The following KSR2 variants were observed in gnomAD, a reference collection of about 807,000 sequenced individuals.
The protein encoded by KSR2 is kinase suppressor of ras 2.
In KSR2, 25 loss-of-function variants were observed where a neutral mutation model predicts 107.8. That is an observed-to-expected ratio of 0.23 (90% CI 0.17 to 0.32). The LOEUF (loss-of-function observed/expected upper bound fraction) is 0.32. Ranked by LOEUF, KSR2 falls within the 10% of genes least tolerant of loss-of-function variation. KSR2 has a pLI of 1.00. For missense variants in KSR2, 887 were observed against 1,268.9 expected (o/e 0.70, Z 4.57); for synonymous variants, 480 against 507.0 (o/e 0.95, Z 0.71).
At chr12:117,531,949 C>T (rs1165579039) in intron 10 of KSR2, among the ~76,000 whole-genome samples, 1 of 152,162 alleles carries the variant, frequency 6.6e-6, no homozygotes, top group Non-Finnish European at 1.5e-5. Flanking sequence ...ACTGCTCCAA[C>T]TCAAACAGAC....
At chr12:117,902,495 T>TAAAA (rs35386887) in intron 1 of KSR2, among the ~76,000 whole-genome samples, 1 of 102,514 alleles carries the variant, frequency 9.8e-6, no homozygotes, top group African/African-American at 3.7e-5. Context: ...GACTCTGTCT[T>TAAAA]AAAAAAAAAA....
chr12:117,666,656 CT>C (rs1884671919), intron 5 of KSR2, among the ~76,000 whole-genome samples: 1 of 152,230 alleles, frequency 6.6e-6, no homozygotes, highest in African/African-American at 2.4e-5. Context: ...CTCATCATTT[CT>C]CAGAGCAGCA....
chr12:117,731,464 C>A (rs571119301), intron 4 of KSR2, among the ~76,000 whole-genome samples: 1 of 148,000 alleles, frequency 6.8e-6, no homozygotes, highest in Non-Finnish European at 1.5e-5. Context: ...AGGTGGGGGG[C>A]GCCTCTGCCC....
intron 3 of KSR2, among the ~76,000 whole-genome samples, chr12:117,789,905 C>T (rs1223969525): frequency 6.6e-6 from 1 of 152,192 alleles, no homozygotes; most frequent in African/African-American, 2.4e-5. Flanking sequence ...CACACACACA[C>T]ACAGCATGTC....
chr12:117,872,767 T>C (rs1009663195), intron 1 of KSR2, among the ~76,000 whole-genome samples: 2 of 152,150 alleles, frequency 1.3e-5, no homozygotes, highest in East Asian at 1.9e-4. Flanking sequence ...ATCTGGGTCC[T>C]TGGACAATAA....
At chr12:117,708,479 C>A (rs551738248) in intron 4 of KSR2, among the ~76,000 whole-genome samples, 132 of 152,282 alleles carry the variant, frequency 8.7e-4, no homozygotes, top group African/African-American at 3.1e-3. Flanking sequence ...AATCACCATG[C>A]CTCATCACTT....
chr12:117,824,312 T>A (rs1891663868), intron 3 of KSR2, among the ~76,000 whole-genome samples: 1 of 152,090 alleles, frequency 6.6e-6, no homozygotes, highest in Non-Finnish European at 1.5e-5. Flanking sequence ...AATATTCGAT[T>A]TGATAGAAAA....
At chr12:117,471,023 G>A (rs1421182212) in intron 18 of KSR2, among the ~76,000 whole-genome samples, 168 bp downstream of exon 18, 1 of 152,176 alleles carries the variant, frequency 6.6e-6, no homozygotes, top group Non-Finnish European at 1.5e-5. Context: ...CAGTGCAGCA[G>A]CCTTGCCTTT....
intron 1 of KSR2, among the ~76,000 whole-genome samples, chr12:117,869,718 A>G (rs1020689462): frequency 6.6e-6 from 1 of 152,114 alleles, no homozygotes; most frequent in Non-Finnish European, 1.5e-5. Context: ...AATCTTCTGC[A>G]TGAAGGATTC....
At chr12:117,945,863 A>G (rs1332923754) in intron 1 of KSR2, among the ~76,000 whole-genome samples, 2 of 152,174 alleles carry the variant, frequency 1.3e-5, no homozygotes, top group African/African-American at 4.8e-5. Context: ...GAGGAGATAT[A>G]CTTCTGGTAA....
intron 1 of KSR2, among the ~76,000 whole-genome samples, chr12:117,938,570 A>C (rs1895912594): frequency 6.7e-6 from 1 of 149,764 alleles, no homozygotes; most frequent in African/African-American, 2.5e-5. Flanking sequence ...TAATAAATAA[A>C]TAAATAAATA....
At chr12:117,853,043 T>C (rs932350573) in intron 3 of KSR2, among the ~76,000 whole-genome samples, 6 of 152,102 alleles carry the variant, frequency 3.9e-5, no homozygotes, top group Admixed American at 1.3e-4. Flanking sequence ...CCTCAGGTGA[T>C]CCACCGGCCT....
chr12:117,780,037 C>T (rs542525931), intron 3 of KSR2, among the ~76,000 whole-genome samples: 6 of 151,944 alleles, frequency 3.9e-5, no homozygotes, highest in African/African-American at 9.7e-5. Context: ...CAGCAGGTTA[C>T]GAAAACATAT....
intron 4 of KSR2, among the ~76,000 whole-genome samples, chr12:117,679,280 A>G (rs921861579): frequency 6.6e-6 from 1 of 152,228 alleles, no homozygotes; most frequent in South Asian, 2.1e-4. Flanking sequence ...TCCAGGTACC[A>G]GCTCCCCATG....
chr12:117,558,495 T>G lies in KSR2; in HGVS notation c.1393+11A>C. On this transcript the variant is annotated intron_variant, in intron 8 of 19. Transcript: ENST00000339824. ...CCCCTGCCCCTAGGGCAGTAAGTGT[T>G]AAATAGTTACCTCCTCGGTGGATGA... 1.2e-6 allele frequency: 2 copies of G among 1,613,404 alleles called. No homozygotes were observed. The highest frequency in any genetic ancestry group is 8.5e-7 in the Non-Finnish European group (1 of 1,179,380).
At chr12:117,560,562 T>C (rs181668388) in intron 7 of KSR2, among the ~76,000 whole-genome samples, 1 of 152,332 alleles carries the variant, frequency 6.6e-6, no homozygotes, top group Non-Finnish European at 1.5e-5. Context: ...TTTCGACAGG[T>C]AGCAGTATCC....
chr12:117,840,986 A>T (rs908644391), intron 3 of KSR2, among the ~76,000 whole-genome samples: 1 of 142,354 alleles, frequency 7.0e-6, no homozygotes, highest in Non-Finnish European at 1.5e-5. Context: ...GGGGCGACAG[A>T]GTGATTCTGT....
In KSR2 at chr12:117,471,298, C is replaced by T. The variant is rs757146540; in HGVS notation, c.2605G>A (p.Ala869Thr). Residue 869 changes from alanine to threonine, a missense_variant, in exon 18 of 20, where the codon GCC (alanine) becomes ACC (threonine). Coordinates refer to ENST00000339824, the MANE Select transcript of KSR2 (RefSeq NM_173598.6). ...TGGGTCTTGAAAGGCCATTCCCTGG[C>T]GTGGAGTTCATACCAGATTGTGCTG... ...ALGTIWYELH[A>T]REWPFKTQPA... is the part of the protein sequence containing the mutation. 8.7e-6 allele frequency: 14 copies of T among 1,613,606 alleles called. No homozygotes were observed. Among genetic ancestry groups the T allele is most frequent in the African/African-American group, 1.3e-5 (1 of 74,988 alleles).
chr12:117,629,283 G>A (rs573862580), intron 5 of KSR2, among the ~76,000 whole-genome samples: 2 of 152,338 alleles, frequency 1.3e-5, no homozygotes, highest in Admixed American at 6.5e-5. Context: ...CTTCTGCGTC[G>A]ATCATGCTGG....
Sources: allele counts gnomAD v4.1 joint callset (sites outside exome capture counted in the v4.1 genomes callset), GRCh38; gene constraint gnomAD v4.1.1; transcripts MANE v1.5; gene names NCBI Gene and HGNC (gene_info 2026-07-23, HGNC 2026-07-21).